Variants in CSRNP3 observed in about 807,000 individuals in gnomAD.
The protein encoded by CSRNP3 is cysteine/serine-rich nuclear protein 3.
CSRNP3 carries 12 observed loss-of-function variants against 48.0 expected under a neutral mutation model. The ratio of observed to expected loss-of-function variants is 0.25; its 90% confidence interval spans 0.16 to 0.41. The LOEUF (loss-of-function observed/expected upper bound fraction) is 0.41, where lower values mean the gene tolerates loss of function less well. Ranked by LOEUF, CSRNP3 falls within the 10% of genes least tolerant of loss-of-function variation. The pLI is 1.00. For missense variants in CSRNP3, 580 were observed against 724.4 expected (o/e 0.80, Z 2.29); for synonymous variants, 263 against 269.7 (o/e 0.98, Z 0.24).
chr2:165,669,516 G>A (rs1687293516), intron 5 of CSRNP3, among the ~76,000 whole-genome samples: 1 of 152,068 alleles, frequency 6.6e-6, no homozygotes, highest in Admixed American at 6.5e-5. Context: ...CCCTATATTT[G>A]GCTCAAAGCT....
chr2:165,676,253 CAT>C, intron 5 of CSRNP3, 57 bp from the exon 6 acceptor site: 1 of 1,300,256 alleles, frequency 7.7e-7, no homozygotes. Context: ...CCAGTACAAA[CAT>C]ACAGATTTTG....
At position 165,685,620 on chromosome 2, in the gene CSRNP3, T is replaced by A. The variant is rs1479517627; in HGVS notation, c.*5867T>A. Reference sequence around the variant, plus strand: ...GGGAAATGAGGTCATTTCAAAGATGTAAGTCACGTTGGTGACTACTTTCTT... The same window carrying A: ...GGGAAATGAGGTCATTTCAAAGATGAAAGTCACGTTGGTGACTACTTTCTT... On this transcript the variant is annotated 3_prime_UTR_variant, in exon 7 of 7. Coordinates refer to ENST00000651982, the MANE Select transcript of CSRNP3 (RefSeq NM_001172173.2). The A allele has an allele frequency of 6.6e-6, 1 of 152,144 alleles. No homozygotes were observed. The highest frequency in any genetic ancestry group is 1.5e-5 in the Non-Finnish European group (1 of 67,990). The allele number at this position is 152,144 out of a possible 1,614,324, so 9.4% of individuals were successfully genotyped here. A position where few individuals can be genotyped will look rare whatever the true frequency, so the allele number is the denominator to read the frequency against.
At chr2:165,511,001 A>G (rs1265480276) in intron 2 of CSRNP3, among the ~76,000 whole-genome samples, 1 of 152,230 alleles carries the variant, frequency 6.6e-6, no homozygotes, top group African/African-American at 2.4e-5. Context: ...AAAGAGCAGC[A>G]AATGAGGTAG....
intron 3 of CSRNP3, among the ~76,000 whole-genome samples, chr2:165,521,088 C>T (rs1348708597): frequency 6.6e-6 from 1 of 150,384 alleles, no homozygotes. Context: ...GTGTTTATTA[C>T]ATGCCGTATT....
chr2:165,561,851 G>GA (rs1685236710), intron 3 of CSRNP3, among the ~76,000 whole-genome samples: 1 of 151,972 alleles, frequency 6.6e-6, no homozygotes. Flanking sequence ...ATGGGCAGGG[G>GA]ATTCTCATTA....
At position 165,666,111 on chromosome 2, in the gene CSRNP3, AAGAG is replaced by A. The variant is rs796870848; in HGVS notation, c.408+8099_408+8102del. Among the ~76,000 whole-genome samples, 42 of 123,452 alleles carry A rather than the reference AAGAG, an allele frequency of 3.4e-4. No homozygotes were observed. In the South Asian group the frequency reaches 8.4e-3, roughly 25 times the overall value. The allele number at this position is 123,452 out of a possible 152,430, so 81.0% of individuals were successfully genotyped here. A position where few individuals can be genotyped will look rare whatever the true frequency, so the allele number is the denominator to read the frequency against. On this transcript the variant is annotated intron_variant, in intron 5 of 6. Transcript: ENST00000651982. ...AAGGAAGGAGAGAGAGGAAGAAAGA[AAGAG>A]AGAGAGAAAGGAAGGAAGGAAGGAA...
In CSRNP3 at chr2:165,554,153, AT is replaced by A. The variant is rs565077749; in HGVS notation, c.-24+36199del. On this transcript the variant is annotated intron_variant, in intron 3 of 6. Transcript: ENST00000651982. ...TGCTACACAATCCCCGCTACTCCTC[AT>A]TTTTTTAAGATGCTCTTTGCTGCCA... is the stretch of plus-strand genomic sequence containing the variant. Among the ~76,000 whole-genome samples the A allele has an allele frequency of 7.9e-5, 12 of 152,006 alleles. No individual in the cohort carries two copies. In the South Asian group the frequency reaches 1.9e-3, roughly 24 times the overall value.
At chr2:165,471,514 G>A (rs940377240) in intron 1 of CSRNP3, among the ~76,000 whole-genome samples, 1 of 152,034 alleles carries the variant, frequency 6.6e-6, no homozygotes, top group Non-Finnish European at 1.5e-5. Flanking sequence ...ATGAAAATTA[G>A]AGAGCAGAGT....
chr2:165,475,177 T>G (rs1683944557), intron 1 of CSRNP3, among the ~76,000 whole-genome samples: 2 of 151,948 alleles, frequency 1.3e-5, no homozygotes. Context: ...GGAAAAGGGT[T>G]TCAAAAGTGA....
chr2:165,596,645 A>G (rs965661204), intron 4 of CSRNP3, among the ~76,000 whole-genome samples: 2 of 152,150 alleles, frequency 1.3e-5, no homozygotes, highest in African/African-American at 2.4e-5. Flanking sequence ...TGGTCTACAA[A>G]TACATTTACA....
intron 1 of CSRNP3, among the ~76,000 whole-genome samples, chr2:165,483,845 C>A (rs1049245806): frequency 8.5e-5 from 13 of 152,100 alleles, no homozygotes. Context: ...AAGCTCCAGC[C>A]CCTAATAACA....
At position 165,682,800 on chromosome 2, in the gene CSRNP3, G is replaced by A. The variant is rs780769980; in HGVS notation, c.*3047G>A. ...GTCCTTCTAAGCTTTTAAAAATGGG[G>A]ATCAAGCTACATGCAGCCAGTTGGA... On this transcript the variant is annotated 3_prime_UTR_variant, in exon 7 of 7. Coordinates refer to ENST00000651982, the MANE Select transcript of CSRNP3 (RefSeq NM_001172173.2). 6.6e-6 allele frequency: 1 copy of A among 152,082 alleles called. No individual in the cohort carries two copies. 9.4% of individuals were successfully genotyped at this position (152,082 alleles called of 1,614,324 possible). A position where few individuals can be genotyped will look rare whatever the true frequency, so the allele number is the denominator to read the frequency against.
At chr2:165,478,203 T>C (rs1056974636) in intron 1 of CSRNP3, among the ~76,000 whole-genome samples, 1 of 152,222 alleles carries the variant, frequency 6.6e-6, no homozygotes, top group African/African-American at 2.4e-5. Flanking sequence ...GACAGATGTA[T>C]ATCTACTGTG....
chr2:165,668,721 AG>A (rs2105357096), intron 5 of CSRNP3, among the ~76,000 whole-genome samples: 1 of 152,090 alleles, frequency 6.6e-6, no homozygotes, highest in South Asian at 2.1e-4. Context: ...TTTCTGAGTG[AG>A]CTATTTCTAG....
intron 4 of CSRNP3, among the ~76,000 whole-genome samples, chr2:165,646,390 T>C (rs1405843063): frequency 6.6e-6 from 1 of 152,196 alleles, no homozygotes; most frequent in South Asian, 2.1e-4. Context: ...TGGATTATCA[T>C]GATATATTAG....
intron 4 of CSRNP3, among the ~76,000 whole-genome samples, chr2:165,638,291 G>A (rs139682985): frequency 0.011 from 1,697 of 152,098 alleles, 30 homozygotes; most frequent in African/African-American, 0.039. Flanking sequence ...GTGAAACCCC[G>A]TCCCTACTAA....
chr2:165,531,973 T>C (rs1684818552), intron 3 of CSRNP3, among the ~76,000 whole-genome samples: 1 of 152,142 alleles, frequency 6.6e-6, no homozygotes, highest in African/African-American at 2.4e-5. Context: ...AGTGGATAAA[T>C]TCCTCGACAC....
chr2:165,485,327 TTAGA>T (rs968779203), intron 1 of CSRNP3, among the ~76,000 whole-genome samples: 3 of 152,186 alleles, frequency 2.0e-5, no homozygotes, highest in South Asian at 2.1e-4. Context: ...TGATTTTATA[TTAGA>T]TAAAGAAATC....
At chr2:165,492,285 C>T (rs1171831854) in intron 1 of CSRNP3, among the ~76,000 whole-genome samples, 1 of 152,120 alleles carries the variant, frequency 6.6e-6, no homozygotes. Flanking sequence ...TAGATCTTGG[C>T]ACTATACTAC....
Sources: gnomAD v4.1 joint callset for allele counts (sites outside exome capture counted in the v4.1 genomes callset) on GRCh38, gnomAD v4.1.1 for gene constraint, MANE v1.5 for transcripts, NCBI Gene and HGNC (gene_info 2026-07-23, HGNC 2026-07-21) for gene names.